WWC2: variants seen among roughly 807,000 people sequenced by gnomAD.
WWC2 encodes WW and C2 domain containing 2, also known as protein WWC2.
WWC2 carries 101 observed loss-of-function variants against 138.5 expected under a neutral mutation model. That is an observed-to-expected ratio of 0.73 (90% confidence interval 0.62 to 0.86). The LOEUF (loss-of-function observed/expected upper bound fraction) is 0.86, where lower values mean the gene tolerates loss of function less well. Ranked by LOEUF, WWC2 falls within the 40% of genes least tolerant of loss-of-function variation. WWC2 has a pLI of 0.00. For synonymous variants in WWC2, 558 were observed against 538.4 expected (o/e 1.04, Z -0.50); for missense variants, 1,420 against 1,419.4 (o/e 1.00, Z -0.01).
intron 4 of WWC2, among the ~76,000 whole-genome samples, chr4:183,218,116 A>G (rs1273505643): frequency 2.0e-5 from 3 of 152,196 alleles, no homozygotes; most frequent in African/African-American, 7.2e-5. Flanking sequence ...TACCAATACT[A>G]AAAGAAAAAC....
chr4:183,154,869 G>A (rs115033451), intron 1 of WWC2, among the ~76,000 whole-genome samples: 2,102 of 152,242 alleles, frequency 0.014, 24 homozygotes, highest in Non-Finnish European at 0.022. Context: ...TGCCTAACCT[G>A]GACTCTGGCC....
rs199951348 is a variant in WWC2, at chr4:183,289,492, A to G, written c.3241A>G (p.Ser1081Gly). 8.1e-5 allele frequency: 131 copies of G among 1,613,842 alleles called. No homozygotes were observed. The African/African-American group carries it at 1.6e-3, about 20-fold the overall frequency. The change falls in exon 21 of 23, where the codon AGC becomes GGC. Residue 1081 changes from serine to glycine, a missense_variant. Ser to Gly is a moderately conservative substitution (Grantham distance 56). Transcript: ENST00000403733. ...LDLQASLTRQ[S>G]RLNDELQALR... ...CCTTCAGGCATCTCTGACCCGGCAG[A>G]GCCGCCTCAATGATGAGCTGCAGGC...
At chr4:183,203,099 C>T (rs1421596218) in intron 2 of WWC2, among the ~76,000 whole-genome samples, 1 of 151,960 alleles carries the variant, frequency 6.6e-6, no homozygotes, top group Non-Finnish European at 1.5e-5. Flanking sequence ...ATCTTAACTA[C>T]TGGGATATTA....
In WWC2 at chr4:183,186,755, A is replaced by G. The variant is rs940604097; in HGVS notation, c.132-6844A>G. 1.3e-5 allele frequency among the ~76,000 whole-genome samples: 2 copies of G among 152,058 alleles called. 1 individual carries two copies. Among genetic ancestry groups the G allele is most frequent in the South Asian group, 4.2e-4 (2 of 4,800 alleles). On this transcript the variant is annotated intron_variant, in intron 1 of 22. Coordinates refer to ENST00000403733, the MANE Select transcript of WWC2 (RefSeq NM_024949.6). ...TCTCAGGGAGCAGACCTGGGAGACA[A>G]CACAGTTGTGTTCAGATATTTGAAA...
At chr4:183,259,134 G>C (rs563217191) in intron 9 of WWC2, among the ~76,000 whole-genome samples, 1 of 152,100 alleles carries the variant, frequency 6.6e-6, no homozygotes, top group Non-Finnish European at 1.5e-5. Flanking sequence ...GACTAAAATT[G>C]TTTCTTAATT....
chr4:183,149,056 ATCTAAG>A (rs1215833779), intron 1 of WWC2, among the ~76,000 whole-genome samples: 1 of 152,078 alleles, frequency 6.6e-6, no homozygotes, highest in East Asian at 1.9e-4. Flanking sequence ...AATCTCACTC[ATCTAAG>A]TCTTTTTTTT....
At chr4:183,292,642 A>G (rs570418428) in intron 21 of WWC2, among the ~76,000 whole-genome samples, 15 of 152,298 alleles carry the variant, frequency 9.8e-5, no homozygotes, top group South Asian at 8.3e-4. Context: ...TTAAAAATCT[A>G]TCCACAAAGA....
chr4:183,216,720 G>C (rs1383136569), intron 4 of WWC2, among the ~76,000 whole-genome samples: 1 of 152,214 alleles, frequency 6.6e-6, no homozygotes, highest in Non-Finnish European at 1.5e-5. Context: ...TGATGAGACA[G>C]AAGAGAAAAG....
chr4:183,256,427 T>C (rs1452516851), intron 9 of WWC2, among the ~76,000 whole-genome samples: 2 of 152,156 alleles, frequency 1.3e-5, no homozygotes, highest in East Asian at 3.9e-4. Context: ...ATGGTTTTGC[T>C]TTCTATTCCC....
intron 22 of WWC2, among the ~76,000 whole-genome samples, chr4:183,312,848 G>T (rs1314222351): frequency 6.6e-6 from 1 of 152,216 alleles, no homozygotes; most frequent in African/African-American, 2.4e-5. Context: ...GCTCTGAGAT[G>T]TGGAGGCTAA....
At chr4:183,146,248 C>G (rs1045639988) in intron 1 of WWC2, among the ~76,000 whole-genome samples, 8 of 152,060 alleles carry the variant, frequency 5.3e-5, no homozygotes, top group Non-Finnish European at 1.2e-4. Flanking sequence ...CTCTTGAAGC[C>G]AAACAGATTG....
rs781102665 is a variant in WWC2, at chr4:183,245,421, A to G, written c.608A>G (p.Asp203Gly). The change falls in exon 6 of 23, where the codon GAT becomes GGT. Residue 203 changes from aspartate (D) to glycine (G), a missense_variant. Asp to Gly is a moderately conservative substitution (Grantham distance 94). Coordinates refer to ENST00000403733, the MANE Select transcript of WWC2 (RefSeq NM_024949.6). ...EQGFETLQQIDKKMSGGQSGY... is the reference protein window; with the variant it reads ...EQGFETLQQIGKKMSGGQSGY... Reference sequence around the variant, plus strand: ...TTCTTTTTCTCTTTTCACAGAATTGATAAAAAAATGTCTGGAGGCCAGAGC... The same window carrying G: ...TTCTTTTTCTCTTTTCACAGAATTGGTAAAAAAATGTCTGGAGGCCAGAGC... 1 of 1,553,772 alleles carries G rather than the reference A, an allele frequency of 6.4e-7. No homozygotes were observed. The highest frequency in any genetic ancestry group is 1.2e-5 in the South Asian group (1 of 81,268).
chr4:183,308,839 A>G (rs1739109938), intron 21 of WWC2, among the ~76,000 whole-genome samples: 1 of 152,256 alleles, frequency 6.6e-6, no homozygotes, highest in Non-Finnish European at 1.5e-5. Flanking sequence ...CAATGTCAGT[A>G]CAGTTGCAAC....
intron 1 of WWC2, among the ~76,000 whole-genome samples, chr4:183,109,662 T>G (rs1313906502): frequency 6.6e-6 from 1 of 152,214 alleles, no homozygotes; most frequent in South Asian, 2.1e-4. Context: ...CGGTCATGCT[T>G]GCTCGCACCA....
rs149953552 is a variant in WWC2 at position 183,285,416 on chromosome 4, A to G, written c.3049-551A>G. 2.2e-4 allele frequency among the ~76,000 whole-genome samples: 34 copies of G among 152,384 alleles called. No homozygotes were observed. In the East Asian group the frequency reaches 4.8e-3, roughly 22 times the overall value. On this transcript the variant is annotated intron_variant, in intron 19 of 22. Coordinates refer to ENST00000403733, the MANE Select transcript of WWC2 (RefSeq NM_024949.6). ...AAAGGATAATTTCATTTCAAAAAAT[A>G]TATAAGTACCTTAAACATATGATTT...
chr4:183,255,891 T>TA (rs766128993), intron 9 of WWC2, among the ~76,000 whole-genome samples: 17 of 151,364 alleles, frequency 1.1e-4, no homozygotes. Flanking sequence ...TTTTTTTTTT[T>TA]AACGAACAGC....
intron 11 of WWC2, among the ~76,000 whole-genome samples, chr4:183,263,853 A>G (rs1286226274): frequency 1.3e-5 from 2 of 152,124 alleles, no homozygotes; most frequent in Admixed American, 6.5e-5. Flanking sequence ...CCTATCAGGG[A>G]CGTTTGTCAT....
chr4:183,228,753 C>T (rs143896472), intron 4 of WWC2, among the ~76,000 whole-genome samples: 4 of 152,214 alleles, frequency 2.6e-5, no homozygotes, highest in East Asian at 3.9e-4. Context: ...TAAAGCTGAA[C>T]GTGTGCATGC....
intron 2 of WWC2, among the ~76,000 whole-genome samples, chr4:183,197,063 TAAAAA>T (rs1735165694): frequency 6.6e-6 from 1 of 152,240 alleles, no homozygotes; most frequent in Non-Finnish European, 1.5e-5. Flanking sequence ...CTTAAAATGT[TAAAAA>T]GAAGAGCTTT....
Sources: allele counts gnomAD v4.1 joint callset (sites outside exome capture counted in the v4.1 genomes callset), GRCh38; gene constraint gnomAD v4.1.1; transcripts MANE v1.5; gene names NCBI Gene and HGNC (gene_info 2026-07-23, HGNC 2026-07-21).